CEP135: variants seen among roughly 807,000 people sequenced by gnomAD.
The protein encoded by CEP135 is centrosomal protein of 135 kDa.
A neutral mutation model predicts 157.3 loss-of-function variants in CEP135; 142 were observed. That is an observed-to-expected ratio of 0.90 (90% CI 0.79 to 1.04). The LOEUF (loss-of-function observed/expected upper bound fraction) is 1.04. Among genes scored for constraint, CEP135 ranks in the 50% least tolerant of loss-of-function variants. The pLI is 0.00. For synonymous variants in CEP135, 396 were observed against 439.8 expected (o/e 0.90, Z 1.25); for missense variants, 1,317 against 1,309.2 (o/e 1.01, Z -0.09).
rs200398340 is a variant in CEP135, at chr4:56,017,837, A to G, written c.2992A>G (p.Lys998Glu). Reference protein sequence around the residue: ...KDIMTQQLNSKNLEFERVVVE... With the variant: ...KDIMTQQLNSENLEFERVVVE... ...TATTATGACCCAGCAATTGAATTCG[A>G]AAAACCTTGAGTTTGAGAGGGTAAG... is the stretch of plus-strand genomic sequence containing the variant. The change falls in exon 22 of 26, where the codon AAA (lysine) becomes GAA (glutamate). Residue 998 changes from lysine (K) to glutamate (E), a missense_variant. By Grantham distance (56) the Lys-to-Glu change is moderately conservative (BLOSUM62 1). Coordinates refer to ENST00000257287, the MANE Select transcript of CEP135 (RefSeq NM_025009.5). The G allele has an allele frequency of 1.1e-5, 18 of 1,612,722 alleles. No individual in the cohort carries two copies. The Admixed American group carries it at 2.0e-4, about 18-fold the overall frequency.
chr4:56,011,557 A>G, intron 20 of CEP135, 35 bp downstream of exon 20: 2 of 1,320,636 alleles, frequency 1.5e-6, no homozygotes, highest in African/African-American at 1.5e-5. Context: ...TTTAAGACTG[A>G]GGTTTTTTTT....
chr4:56,017,741 G>A lies in CEP135; in HGVS notation c.2896G>A (p.Glu966Lys), dbSNP rs1185725500. ...LEEELRHQEDEKATVLNDLSS... is the reference protein window; with the variant it reads ...LEEELRHQEDKKATVLNDLSS... Reference sequence around the variant, plus strand: ...AGAAGAGCTGAGACATCAAGAAGATGAGAAAGCAACAGTATTAAATGACTT... The same window carrying A: ...AGAAGAGCTGAGACATCAAGAAGATAAGAAAGCAACAGTATTAAATGACTT... Residue 966 changes from glutamate (E) to lysine (K), a missense_variant, in exon 22 of 26, where the codon GAG (glutamate) becomes AAG (lysine). By Grantham distance (56) the Glu-to-Lys change is moderately conservative (BLOSUM62 1). Transcript: ENST00000257287. 5 of 1,613,914 alleles carry A rather than the reference G, an allele frequency of 3.1e-6. No individual in the cohort carries two copies. Among genetic ancestry groups the A allele is most frequent in the Non-Finnish European group, 4.2e-6 (5 of 1,179,972 alleles).
chr4:56,026,812 T>G (rs1731173037), intron 25 of CEP135, among the ~76,000 whole-genome samples: 1 of 152,200 alleles, frequency 6.6e-6, no homozygotes, highest in South Asian at 2.1e-4. Flanking sequence ...GAAAGAAACA[T>G]GAGTCAGACC....
chr4:55,964,316 T>C lies in CEP135; in HGVS notation c.742T>C (p.Leu248=). Residue 248 remains leucine (L), a synonymous_variant, in exon 7 of 26, where the codon TTG becomes CTG. Coordinates refer to ENST00000257287, the MANE Select transcript of CEP135 (RefSeq NM_025009.5). ...AGAGATAGAACGACTGTCAGTTGCTTTGGATGGTGGTCGGTCCCCTGATGT... is the reference window on the plus strand; with the variant it reads ...AGAGATAGAACGACTGTCAGTTGCTCTGGATGGTGGTCGGTCCCCTGATGT... The part of the protein sequence containing the change: ...EREIERLSVA[L]DGGRSPDVLS... The C allele has an allele frequency of 6.2e-7, 1 of 1,613,432 alleles. No homozygotes were observed. The highest frequency in any genetic ancestry group is 8.5e-7 in the Non-Finnish European group (1 of 1,179,678).
At position 55,966,007 on chromosome 4, in the gene CEP135, C is replaced by T. The variant is rs71601610; in HGVS notation, c.1044+148C>T. 45,674 of 645,158 alleles carry T rather than the reference C, an allele frequency of 0.071. 1,984 individuals carry two copies. The highest frequency in any genetic ancestry group is 0.14 in the East Asian group (5,008 of 35,892). 40.0% of individuals were successfully genotyped at this position (645,158 alleles called of 1,614,324 possible). A position where few individuals can be genotyped will look rare whatever the true frequency, so the allele number is the denominator to read the frequency against. ...TTTTGCTTTGGTAATTCAGGGTTTT[C>T]TGAAGTGTTGTTTACACCCTGTAAA... On this transcript the variant is annotated intron_variant, in intron 8 of 25. Coordinates refer to ENST00000257287, the MANE Select transcript of CEP135 (RefSeq NM_025009.5).
rs1177108433 is a variant in CEP135 at position 55,980,207 on chromosome 4, A to G, written c.1538A>G (p.Glu513Gly). 1 of 1,604,422 alleles carries G rather than the reference A, an allele frequency of 6.2e-7. No individual in the cohort carries two copies. The highest frequency in any genetic ancestry group is 1.7e-5 in the Admixed American group (1 of 59,628). The change falls in exon 12 of 26, where the codon GAA becomes GGA. Residue 513 changes from glutamate to glycine, a missense_variant. Physicochemically the swap from Glu to Gly is moderately conservative, Grantham distance 98 (BLOSUM62 -2). Coordinates refer to ENST00000257287, the MANE Select transcript of CEP135 (RefSeq NM_025009.5). The part of the protein sequence containing the change: ...RERDELQRML[E>G]RFEKYMEDIQ... ...AGAGATGAACTTCAGCGTATGCTAG[A>G]AAGATTTGAAAAATATATGGAAGAT...
At chr4:56,012,044 A>AT in intron 21 of CEP135, 59 bp downstream of exon 21, 2 of 1,014,810 alleles carry the variant, frequency 2.0e-6, no homozygotes, top group Non-Finnish European at 1.3e-6. Flanking sequence ...ACATTCAAAG[A>AT]TACTTTATTT....
chr4:56,010,864 A>G (rs1398498935), intron 19 of CEP135, among the ~76,000 whole-genome samples: 1 of 152,214 alleles, frequency 6.6e-6, no homozygotes, highest in Non-Finnish European at 1.5e-5. Context: ...ACCCCTGACC[A>G]TAGCTAGCCT....
chr4:56,004,190 T>G (rs978422986), intron 17 of CEP135, among the ~76,000 whole-genome samples: 1 of 152,230 alleles, frequency 6.6e-6, no homozygotes, highest in Non-Finnish European at 1.5e-5. Flanking sequence ...AGAGCAACTG[T>G]TGTTTAATTT....
Position 55,971,184 on chromosome 4 carries a change from TA to T in CEP135, c.1111-83del, listed in dbSNP as rs1729014199. 6 of 1,031,786 alleles carry T rather than the reference TA, an allele frequency of 5.8e-6. No homozygotes were observed. In the South Asian group the frequency reaches 1.1e-4, roughly 19 times the overall value. 63.9% of individuals were successfully genotyped at this position (1,031,786 alleles called of 1,614,324 possible). A position where few individuals can be genotyped will look rare whatever the true frequency, so the allele number is the denominator to read the frequency against. The stretch of plus-strand genomic sequence containing the variant: ...CACGTATATGTAAATTGCTGTTATA[TA>T]AATGTGCTTATAAAAATCTATCTTA... On this transcript the variant is annotated intron_variant, in intron 9 of 25. Coordinates refer to ENST00000257287, the MANE Select transcript of CEP135 (RefSeq NM_025009.5).
chr4:55,981,236 G>A lies in CEP135; in HGVS notation c.1636G>A (p.Glu546Lys), dbSNP rs1424959197. ...LSVLYNEAQE[E>K]LSALRKESTQ... The stretch of plus-strand genomic sequence containing the variant: ...CTTTTCATTCTTTAAGGCTCAGGAA[G>A]AATTATCTGCCCTAAGAAAGGAATC... The change falls in exon 13 of 26, where the codon GAA becomes AAA. Residue 546 changes from glutamate to lysine, a missense_variant. Glu to Lys is a moderately conservative substitution (Grantham distance 56). Coordinates refer to ENST00000257287, the MANE Select transcript of CEP135 (RefSeq NM_025009.5). The A allele has an allele frequency of 1.9e-6, 3 of 1,581,536 alleles. No homozygotes were observed. The highest frequency in any genetic ancestry group is 1.2e-5 in the South Asian group (1 of 82,656).
intron 1 of CEP135, among the ~76,000 whole-genome samples, chr4:55,951,305 A>G (rs1416645867): frequency 6.6e-6 from 1 of 152,242 alleles, no homozygotes; most frequent in African/African-American, 2.4e-5. Context: ...GTTTAACTTT[A>G]TAAAAAAACT....
At chr4:56,011,237 A>G (rs1455359500) in intron 19 of CEP135, among the ~76,000 whole-genome samples, 175 bp from the exon 20 acceptor site, 1 of 152,222 alleles carries the variant, frequency 6.6e-6, no homozygotes, top group Non-Finnish European at 1.5e-5. Flanking sequence ...TCTGTCTGAA[A>G]TATTTTAAAA....
At chr4:56,013,388 A>G (rs1252164485) in intron 21 of CEP135, among the ~76,000 whole-genome samples, 1 of 149,798 alleles carries the variant, frequency 6.7e-6, no homozygotes, top group Non-Finnish European at 1.5e-5. Context: ...ATGAAGTCCA[A>G]TTTTTTTTTT....
intron 18 of CEP135, among the ~76,000 whole-genome samples, 158 bp downstream of exon 18, chr4:56,008,540 G>A (rs970205810): frequency 1.1e-4 from 17 of 152,156 alleles, no homozygotes; most frequent in African/African-American, 3.6e-4. Flanking sequence ...GCTTGAAAAT[G>A]TTATCTTCTT....
rs551473271 is a variant in CEP135, at chr4:55,965,496, T to C, written c.829-148T>C. The C allele has an allele frequency of 2.9e-4, 173 of 590,224 alleles. 2 individuals carry two copies. Among genetic ancestry groups the C allele is most frequent in the South Asian group, 2.8e-3 (125 of 45,070 alleles). 36.6% of individuals were successfully genotyped at this position (590,224 alleles called of 1,614,324 possible). A position where few individuals can be genotyped will look rare whatever the true frequency, so the allele number is the denominator to read the frequency against. On this transcript the variant is annotated intron_variant, in intron 7 of 25. Transcript: ENST00000257287. ...CACTGCACATGGTCAGTTTTGTAAA[T>C]AACAATATAAATTTGCAAATATAAA...
chr4:56,017,656 T>A lies in CEP135; in HGVS notation c.2811T>A (p.Asn937Lys). The A allele has an allele frequency of 6.3e-7, 1 of 1,597,560 alleles. No individual in the cohort carries two copies. The highest frequency in any genetic ancestry group is 8.5e-7 in the Non-Finnish European group (1 of 1,172,950). ...TCTTTTTCTTTTTTCAGCACATAAA[T>A]GCCCATCATGCTTATGAATCTCAGA... ...LLEKEIQEHI[N>K]AHHAYESQIS... The change falls in exon 22 of 26, where the codon AAT (asparagine) becomes AAA (lysine). Residue 937 changes from asparagine to lysine, a missense_variant. Coordinates refer to ENST00000257287, the MANE Select transcript of CEP135 (RefSeq NM_025009.5).
intron 6 of CEP135, among the ~76,000 whole-genome samples, chr4:55,963,716 A>G (rs1006726993): frequency 4.6e-5 from 7 of 152,250 alleles, no homozygotes; most frequent in African/African-American, 1.7e-4. Context: ...ACTGCACTCC[A>G]GACTGGGTGA....
intron 18 of CEP135, 41 bp from the exon 19 acceptor site, chr4:56,009,694 T>A (rs1322667390): frequency 1.3e-6 from 2 of 1,564,676 alleles, no homozygotes; most frequent in Non-Finnish European, 1.7e-6. Flanking sequence ...CTACAGTTTT[T>A]AAAAGTTTTC....
Sources: allele counts gnomAD v4.1 joint callset (sites outside exome capture counted in the v4.1 genomes callset), GRCh38; gene constraint gnomAD v4.1.1; transcripts MANE v1.5; gene names NCBI Gene and HGNC (gene_info 2026-07-23, HGNC 2026-07-21).